Variants in CPT1A observed in about 807,000 individuals in gnomAD.
CPT1A encodes the protein carnitine palmitoyltransferase 1A.
A neutral mutation model predicts 100.8 loss-of-function variants in CPT1A; 64 were observed. That is an observed-to-expected ratio of 0.63 (90% CI 0.52 to 0.78). The LOEUF (loss-of-function observed/expected upper bound fraction) is 0.78, where lower values mean the gene tolerates loss of function less well. Among genes scored for constraint, CPT1A ranks in the 30% least tolerant of loss-of-function variants. CPT1A has a pLI of 0.00. For missense variants in CPT1A, 802 were observed against 1,034.1 expected, an observed-to-expected ratio of 0.78 and a Z score of 3.08; for synonymous variants, 363 against 396.0, an observed-to-expected ratio of 0.92 and a Z score of 0.99.
chr11:68,839,815 AC>A, intron 1 of CPT1A: 1 of 603,756 alleles, frequency 1.7e-6, no homozygotes, highest in Non-Finnish European at 2.1e-6. Flanking sequence ...CCGCTCGGTG[AC>A]CACTGGTCCG....
intron 10 of CPT1A, among the ~76,000 whole-genome samples, chr11:68,783,388 C>T (rs1026213525): frequency 6.6e-6 from 1 of 152,244 alleles, no homozygotes; most frequent in East Asian, 1.9e-4. Flanking sequence ...CCCAGCTGCC[C>T]AGCCCACTCC....
intron 11 of CPT1A, 124 bp downstream of exon 11, chr11:68,781,647 G>A: frequency 2.2e-6 from 2 of 910,776 alleles, no homozygotes; most frequent in South Asian, 1.3e-5. Context: ...AAAACTGAAG[G>A]TTATATTTTT....
chr11:68,835,421 A>T (rs919410258), intron 1 of CPT1A, among the ~76,000 whole-genome samples: 4 of 152,272 alleles, frequency 2.6e-5, no homozygotes, highest in Non-Finnish European at 4.4e-5. Context: ...TGCACAGAAT[A>T]TAACAACTTG....
chr11:68,774,530 C>T (rs1855088599), intron 13 of CPT1A, among the ~76,000 whole-genome samples: 1 of 151,670 alleles, frequency 6.6e-6, no homozygotes, highest in African/African-American at 2.4e-5. Context: ...GCACCTTCTG[C>T]CTCCCTGGTT....
At chr11:68,840,083 A>T (rs1857121685) in intron 1 of CPT1A, among the ~76,000 whole-genome samples, 1 of 152,254 alleles carries the variant, frequency 6.6e-6, no homozygotes, top group Non-Finnish European at 1.5e-5. Flanking sequence ...GAAGGAAACC[A>T]GTAATTTACA....
intron 15 of CPT1A, 61 bp downstream of exon 15, chr11:68,762,566 C>A: frequency 6.2e-7 from 1 of 1,604,012 alleles, no homozygotes; most frequent in South Asian, 1.1e-5. Context: ...GTGATGGCCT[C>A]CAGAAGCCTT....
chr11:68,794,752 C>T, intron 8 of CPT1A, 52 bp downstream of exon 8: 1 of 1,406,370 alleles, frequency 7.1e-7, no homozygotes, highest in Non-Finnish European at 1.0e-6. Flanking sequence ...GTCAATTATA[C>T]CTCTGTAAAG....
intron 12 of CPT1A, among the ~76,000 whole-genome samples, chr11:68,780,114 C>T (rs559107618): frequency 6.6e-6 from 1 of 152,206 alleles, no homozygotes; most frequent in East Asian, 1.9e-4. Flanking sequence ...AAGGAGATGG[C>T]AGGAGATGCA....
intron 2 of CPT1A, among the ~76,000 whole-genome samples, chr11:68,814,327 GAC>G (rs1856315478): frequency 6.6e-6 from 1 of 152,058 alleles, no homozygotes; most frequent in Non-Finnish European, 1.5e-5. Flanking sequence ...TTTTTTTTGA[GAC>G]AGAGTCTCGC....
At chr11:68,806,551 C>A (rs974209111) in intron 4 of CPT1A, among the ~76,000 whole-genome samples, 1 of 150,842 alleles carries the variant, frequency 6.6e-6, no homozygotes, top group African/African-American at 2.4e-5. Context: ...TCACTTGAGC[C>A]TAGGAAGTCG....
chr11:68,754,814 T>G (rs985669845), downstream of CPT1A: 6 of 780,948 alleles, frequency 7.7e-6, no homozygotes, highest in African/African-American at 8.5e-5. Context: ...TTCCACTTTG[T>G]CTCAAGTATC....
In CPT1A at chr11:68,781,890, C is replaced by T. The variant is rs866946611; in HGVS notation, c.1233G>A (p.Val411=). The change falls in exon 11 of 19, where the codon GTG becomes GTA. Residue 411 remains valine (V), a synonymous_variant. Coordinates refer to ENST00000265641, the MANE Select transcript of CPT1A (RefSeq NM_001876.4). ...ACGTCACAAAGAACGCTGCTTTCTC[C>T]ACAGCATCAAGAGACTGCTTATTTT... ...RGKNKQSLDA[V]EKAAFFVTLD... The T allele has an allele frequency of 1.2e-6, 2 of 1,614,186 alleles. No homozygotes were observed. The highest frequency in any genetic ancestry group is 1.7e-6 in the Non-Finnish European group (2 of 1,180,012).
chr11:68,800,067 C>A (rs1333645759), intron 5 of CPT1A, among the ~76,000 whole-genome samples: 1 of 152,052 alleles, frequency 6.6e-6, no homozygotes, highest in Non-Finnish European at 1.5e-5. Flanking sequence ...GTTTTGATGA[C>A]CTGCGATGGT....
Position 68,756,015 on chromosome 11 carries a change from G to T in CPT1A, c.*1629C>A, listed in dbSNP as rs1281570092. 1 of 144,084 alleles carries T rather than the reference G, an allele frequency of 6.9e-6. No individual in the cohort carries two copies. Among genetic ancestry groups the T allele is most frequent in the Non-Finnish European group, 1.5e-5 (1 of 67,250 alleles). 8.9% of individuals were successfully genotyped at this position (144,084 alleles called of 1,614,324 possible). A position where few individuals can be genotyped will look rare whatever the true frequency, so the allele number is the denominator to read the frequency against. On this transcript the variant is annotated 3_prime_UTR_variant, in exon 19 of 19. Transcript: ENST00000265641. ...TAATCCCAGCTACTTGGGAGGCTGAGACAGGAGAATCGCTTGAACCTGCAA... is the reference window on the plus strand; with the variant it reads ...TAATCCCAGCTACTTGGGAGGCTGATACAGGAGAATCGCTTGAACCTGCAA...
chr11:68,802,301 A>G (rs1314920999), intron 5 of CPT1A, among the ~76,000 whole-genome samples: 1 of 152,070 alleles, frequency 6.6e-6, no homozygotes, highest in Non-Finnish European at 1.5e-5. Context: ...AATTTTTTTA[A>G]AAACAAAGAA....
chr11:68,772,370 A>G (rs1209149570), intron 14 of CPT1A, among the ~76,000 whole-genome samples: 1 of 152,130 alleles, frequency 6.6e-6, no homozygotes, highest in Non-Finnish European at 1.5e-5. Context: ...AAAGTTGGGA[A>G]TATCTCAAGC....
chr11:68,761,940 C>T (rs1007646112), intron 15 of CPT1A, among the ~76,000 whole-genome samples: 8 of 34,902 alleles, frequency 2.3e-4, no homozygotes, highest in Admixed American at 4.5e-4. Context: ...AAGTTTGTCT[C>T]GGAAAAAAGA....
At position 68,824,265 on chromosome 11, in the gene CPT1A, A is replaced by AAG. The variant is rs1856666268; in HGVS notation, c.-13-8780_-13-8779dup. ...CTCCATCTCAAAAAAAAAAAAAAAA[A>AAG]AGAGAAAAAAGATGGAAATAACAGA... On this transcript the variant is annotated intron_variant, in intron 1 of 18. Coordinates refer to ENST00000265641, the MANE Select transcript of CPT1A (RefSeq NM_001876.4). Among the ~76,000 whole-genome samples the AAG allele has an allele frequency of 3.3e-5, 5 of 150,908 alleles. No homozygotes were observed. In the South Asian group the frequency reaches 1.0e-3, roughly 31 times the overall value.
At chr11:68,775,530 C>T (rs944952707) in intron 12 of CPT1A, 98 bp from the exon 13 acceptor site, 4 of 991,204 alleles carry the variant, frequency 4.0e-6, no homozygotes, top group African/African-American at 1.6e-5. Context: ...AGAGATGTTA[C>T]AAAGTTTGAA....
Sources: allele counts gnomAD v4.1 joint callset (sites outside exome capture counted in the v4.1 genomes callset), GRCh38; gene constraint gnomAD v4.1.1; transcripts MANE v1.5; gene names NCBI Gene and HGNC (gene_info 2026-07-23, HGNC 2026-07-21).